LRRIQ3: variants seen among roughly 807,000 people sequenced by gnomAD.
LRRIQ3 encodes leucine rich repeats and IQ motif containing 3.
In LRRIQ3, 75 loss-of-function variants were observed where a neutral mutation model predicts 59.3. That is an observed-to-expected ratio of 1.26 (90% CI 1.05 to 1.53). The LOEUF is 1.53. Among genes scored for constraint, LRRIQ3 ranks in the 40% most tolerant of loss-of-function variants. The pLI is 0.00. For missense variants in LRRIQ3, 831 were observed against 710.0 expected (o/e 1.17, Z -1.94); for synonymous variants, 250 against 231.3 (o/e 1.08, Z -0.73).
At chr1:74,047,356 A>G (rs191236986) in intron 6 of LRRIQ3, among the ~76,000 whole-genome samples, 6 of 152,292 alleles carry the variant, frequency 3.9e-5, no homozygotes, top group Admixed American at 3.9e-4. Context: ...ATAACCAAAC[A>G]CCACATGTTC....
At chr1:74,136,330 A>G (rs1647123436) in intron 4 of LRRIQ3, among the ~76,000 whole-genome samples, 1 of 151,916 alleles carries the variant, frequency 6.6e-6, no homozygotes, top group African/African-American at 2.4e-5. Context: ...CCAATCTTTT[A>G]CATACTCCTC....
chr1:74,198,122 G>C lies in LRRIQ3; in HGVS notation c.-127C>G, dbSNP rs546653717. 157 of 1,418,330 alleles carry C rather than the reference G, an allele frequency of 1.1e-4. No homozygotes were observed. Among genetic ancestry groups the C allele is most frequent in the Non-Finnish European group, 1.3e-4 (144 of 1,074,872 alleles). The allele number at this position is 1,418,330 out of a possible 1,614,324, so 87.9% of individuals were successfully genotyped here. ...GCTAGAGAAACAAGACAACATCCAA[G>C]TTCTCCACATCATGGTTTTCCGGGC... On this transcript the variant is annotated 5_prime_UTR_variant, in exon 1 of 8. Transcript: ENST00000354431.
chr1:74,041,595 C>T lies in LRRIQ3; in HGVS notation c.1336G>A (p.Ala446Thr). The stretch of plus-strand genomic sequence containing the variant: ...CTAACTCTTTCTCGAGCAACTTGTG[C>T]CATGGCTACAACTCTTACTTTTTCT... The part of the protein sequence containing the change: ...HKEKVRVVAM[A>T]QVARERVRVA... Residue 446 changes from alanine to threonine, a missense_variant, in exon 7 of 8, where the codon GCA becomes ACA. Ala to Thr is a moderately conservative substitution (Grantham distance 58). Transcript: ENST00000354431. The T allele has an allele frequency of 6.2e-7, 1 of 1,613,768 alleles. No individual in the cohort carries two copies. Among genetic ancestry groups the T allele is most frequent in the Non-Finnish European group, 8.5e-7 (1 of 1,179,864 alleles).
chr1:74,127,592 T>A (rs1646954702), intron 4 of LRRIQ3, among the ~76,000 whole-genome samples: 1 of 151,900 alleles, frequency 6.6e-6, no homozygotes, highest in African/African-American at 2.4e-5. Context: ...AAAAGAGAAT[T>A]GTAATAAAAA....
intron 3 of LRRIQ3, chr1:74,180,847 C>T: frequency 6.6e-7 from 1 of 1,509,450 alleles, no homozygotes; most frequent in Non-Finnish European, 9.0e-7. Flanking sequence ...AAGGCCTTCC[C>T]CATCCACCCT....
chr1:74,118,257 G>T (rs1365388736), intron 4 of LRRIQ3, among the ~76,000 whole-genome samples: 1 of 152,034 alleles, frequency 6.6e-6, no homozygotes, highest in Middle Eastern at 3.4e-3. Flanking sequence ...CATACATTTG[G>T]TTCCACATTT....
chr1:74,064,785 G>A (rs1414597679), intron 6 of LRRIQ3, among the ~76,000 whole-genome samples: 1 of 151,980 alleles, frequency 6.6e-6, no homozygotes, highest in Non-Finnish European at 1.5e-5. Flanking sequence ...TATCTGATGA[G>A]CAGTAAGTTA....
chr1:74,170,936 T>A (rs898259817), intron 3 of LRRIQ3, among the ~76,000 whole-genome samples: 4 of 152,180 alleles, frequency 2.6e-5, no homozygotes, highest in African/African-American at 9.6e-5. Flanking sequence ...GGTGCTATTT[T>A]AAATGAGATT....
chr1:74,090,791 G>T (rs1443809913), intron 5 of LRRIQ3, among the ~76,000 whole-genome samples: 1 of 152,020 alleles, frequency 6.6e-6, no homozygotes, highest in African/African-American at 2.4e-5. Flanking sequence ...CTACTAGAGA[G>T]GTTGAAGTGG....
intron 3 of LRRIQ3, among the ~76,000 whole-genome samples, chr1:74,169,739 A>C (rs917071762): frequency 1.3e-5 from 2 of 151,978 alleles, no homozygotes; most frequent in Non-Finnish European, 2.9e-5. Flanking sequence ...TTGTAGAGAC[A>C]GGGTCTTGTT....
chr1:74,128,315 T>C (rs904635463), intron 4 of LRRIQ3, among the ~76,000 whole-genome samples: 31 of 152,024 alleles, frequency 2.0e-4, no homozygotes, highest in African/African-American at 7.5e-4. Context: ...CCTCTGTATG[T>C]TTTGTGATGG....
chr1:74,135,863 C>T (rs1190131042), intron 4 of LRRIQ3, among the ~76,000 whole-genome samples: 1 of 151,596 alleles, frequency 6.6e-6, no homozygotes, highest in Non-Finnish European at 1.5e-5. Context: ...GTAAAGGAAT[C>T]TCATAGCAAG....
At chr1:74,100,001 C>T (rs543821881) in intron 5 of LRRIQ3, among the ~76,000 whole-genome samples, 1 of 152,220 alleles carries the variant, frequency 6.6e-6, no homozygotes, top group African/African-American at 2.4e-5. Flanking sequence ...TGGCACAAGA[C>T]AGGGATGCCC....
chr1:74,110,925 G>A, intron 4 of LRRIQ3, among the ~76,000 whole-genome samples: 1 of 152,110 alleles, frequency 6.6e-6, no homozygotes, highest in Non-Finnish European at 1.5e-5. Context: ...ACTGCCATCA[G>A]CTACATGATG....
chr1:74,182,621 T>C lies in LRRIQ3; in HGVS notation c.490A>G (p.Ile164Val). The change falls in exon 3 of 8, where the codon ATA becomes GTA. Residue 164 changes from isoleucine (I) to valine (V), a missense_variant. Physicochemically the swap from Ile to Val is conservative, Grantham distance 29. Transcript: ENST00000354431. ...TCAGGAAGATGCCAGTTCTGAATTATTTCTTCATCAGAAATCACATGATGA... is the reference window on the plus strand; with the variant it reads ...TCAGGAAGATGCCAGTTCTGAATTACTTCTTCATCAGAAATCACATGATGA... ...LDHHVISDEE[I>V]IQNWHLPERF... 6.2e-7 allele frequency: 1 copy of C among 1,609,602 alleles called. No individual in the cohort carries two copies. Among genetic ancestry groups the C allele is most frequent in the South Asian group, 1.1e-5 (1 of 90,586 alleles).
At chr1:74,148,777 C>A (rs552011174) in intron 4 of LRRIQ3, among the ~76,000 whole-genome samples, 3 of 152,080 alleles carry the variant, frequency 2.0e-5, no homozygotes, top group Admixed American at 1.3e-4. Flanking sequence ...CATGACCATG[C>A]GAGTAACACC....
chr1:74,034,860 A>C (rs1451051972), intron 7 of LRRIQ3, among the ~76,000 whole-genome samples: 1 of 152,018 alleles, frequency 6.6e-6, no homozygotes, highest in African/African-American at 2.4e-5. Flanking sequence ...TTGTTTAAAA[A>C]TTTAAATAAA....
chr1:74,144,045 G>C (rs111880249), intron 4 of LRRIQ3, among the ~76,000 whole-genome samples: 9 of 151,952 alleles, frequency 5.9e-5, no homozygotes, highest in African/African-American at 2.2e-4. Flanking sequence ...ATAGATGTTG[G>C]TGTTTAAAGT....
At chr1:74,147,276 A>G (rs1469155607) in intron 4 of LRRIQ3, among the ~76,000 whole-genome samples, 1 of 152,164 alleles carries the variant, frequency 6.6e-6, no homozygotes, top group East Asian at 1.9e-4. Flanking sequence ...AGCAAATTTA[A>G]TTTGGTACAC....
Sources: allele counts gnomAD v4.1 joint callset (sites outside exome capture counted in the v4.1 genomes callset), GRCh38; gene constraint gnomAD v4.1.1; transcripts MANE v1.5; gene names NCBI Gene and HGNC (gene_info 2026-07-23, HGNC 2026-07-21).